Variants in ACOXL observed in about 807,000 individuals in gnomAD.
ACOXL encodes the protein acyl-CoA oxidase like, also known as acyl-coenzyme A oxidase-like protein.
Under a neutral mutation model 71.9 loss-of-function variants are expected in ACOXL, and 70 were observed. The observed-to-expected ratio is 0.97, with a 90% CI of 0.80 to 1.19. ACOXL has a LOEUF of 1.19. ACOXL is among the 50% of genes most tolerant of loss of function. ACOXL has a pLI of 0.00. For synonymous variants in ACOXL, 253 were observed against 281.6 expected, an observed-to-expected ratio of 0.90 and a Z score of 1.02; for missense variants, 703 against 736.3, an observed-to-expected ratio of 0.95 and a Z score of 0.52.
In ACOXL at chr2:111,060,641, T is replaced by C. The variant is rs901253157; in HGVS notation, c.1440+11353T>C. Among the ~76,000 whole-genome samples, 5 of 152,154 alleles carry C rather than the reference T, an allele frequency of 3.3e-5. No homozygotes were observed. The East Asian group carries it at 7.7e-4, about 23-fold the overall frequency. ...TCACAATACCAAGAACCAGAAAATA[T>C]CAAACTGAATGAAAAAAGCCATCGG... is the stretch of plus-strand genomic sequence containing the variant. On this transcript the variant is annotated intron_variant, in intron 16 of 17. Transcript: ENST00000439055.
Position 110,933,545 on chromosome 2 carries a change from G to A in ACOXL, c.962G>A (p.Ser321Asn), listed in dbSNP as rs373228229. The A allele has an allele frequency of 6.4e-5, 103 of 1,614,102 alleles. No homozygotes were observed. The highest frequency in any genetic ancestry group is 8.6e-5 in the Non-Finnish European group (101 of 1,180,038). ...TTCCAGGGAAAGGAGCTGGTCAACA[G>A]TCGCTCGCTGCAGGCTCTGGTGGCG... is the stretch of plus-strand genomic sequence containing the variant. ...DVFQGKELVN[S>N]RSLQALVAGL... The change falls in exon 12 of 18, where the codon AGT (serine) becomes AAT (asparagine). Residue 321 changes from serine to asparagine, a missense_variant. Ser to Asn is a conservative substitution (Grantham distance 46). Coordinates refer to ENST00000439055, the MANE Select transcript of ACOXL (RefSeq NM_001142807.4).
chr2:110,875,614 C>T (rs1255853208), intron 10 of ACOXL, among the ~76,000 whole-genome samples: 1 of 152,074 alleles, frequency 6.6e-6, no homozygotes. Context: ...CCTCTGGGAG[C>T]CCCTTGCTGC....
chr2:111,011,381 A>T (rs1314238318), intron 14 of ACOXL, among the ~76,000 whole-genome samples: 2 of 152,220 alleles, frequency 1.3e-5, no homozygotes, highest in African/African-American at 4.8e-5. Context: ...TGACAGACTT[A>T]TACCCAACAA....
chr2:110,820,987 CAT>C (rs1366280079), intron 9 of ACOXL, among the ~76,000 whole-genome samples: 1 of 152,192 alleles, frequency 6.6e-6, no homozygotes, highest in Non-Finnish European at 1.5e-5. Flanking sequence ...CAGTGAATAA[CAT>C]GTATGATTCA....
intron 9 of ACOXL, among the ~76,000 whole-genome samples, chr2:110,826,945 G>A (rs907560375): frequency 1.3e-5 from 2 of 152,008 alleles, no homozygotes; most frequent in Admixed American, 6.5e-5. Flanking sequence ...AGATGGGCTC[G>A]CTCTCCATGG....
chr2:110,868,466 T>A (rs1189402389), intron 10 of ACOXL, among the ~76,000 whole-genome samples: 1 of 152,226 alleles, frequency 6.6e-6, no homozygotes, highest in Non-Finnish European at 1.5e-5. Flanking sequence ...GGAACGCTCT[T>A]CTCTATCGAC....
At chr2:110,840,528 G>T (rs1300883211) in intron 9 of ACOXL, among the ~76,000 whole-genome samples, 3 of 152,186 alleles carry the variant, frequency 2.0e-5, no homozygotes, top group African/African-American at 7.2e-5. Context: ...CCATTTTACA[G>T]TTGGGAAAAT....
At chr2:111,093,429 G>A in intron 17 of ACOXL, 2 of 1,612,150 alleles carry the variant, frequency 1.2e-6, no homozygotes, top group African/African-American at 2.7e-5. Context: ...CAAAGAAAAA[G>A]AATGTGAAAC....
At chr2:111,018,976 A>AGCT (rs1232444129) in intron 14 of ACOXL, among the ~76,000 whole-genome samples, 1 of 152,218 alleles carries the variant, frequency 6.6e-6, no homozygotes, top group Non-Finnish European at 1.5e-5. Context: ...TCATGGGCCC[A>AGCT]GCACCAGCTG....
intron 11 of ACOXL, among the ~76,000 whole-genome samples, chr2:110,933,029 T>G (rs1013945867): frequency 2.6e-5 from 4 of 152,150 alleles, no homozygotes; most frequent in Non-Finnish European, 1.5e-5. Context: ...AGGTATAAAT[T>G]TTTTTGTTAT....
chr2:111,048,325 G>A (rs1453799109), intron 15 of ACOXL, among the ~76,000 whole-genome samples: 2 of 152,232 alleles, frequency 1.3e-5, no homozygotes, highest in Admixed American at 6.5e-5. Flanking sequence ...GTCATAGAGG[G>A]TAAAGAGTGA....
Position 110,987,109 on chromosome 2 carries a change from T to C in ACOXL, c.1061T>C (p.Val354Ala), listed in dbSNP as rs2062966795. 6.4e-7 allele frequency: 1 copy of C among 1,564,576 alleles called. No individual in the cohort carries two copies. Among genetic ancestry groups the C allele is most frequent in the Non-Finnish European group, 8.7e-7 (1 of 1,152,026 alleles). The change falls in exon 13 of 18, where the codon GTT becomes GCT. Residue 354 changes from valine (V) to alanine (A), a missense_variant and splice_region_variant. By Grantham distance (64) the Val-to-Ala change is moderately conservative. Coordinates refer to ENST00000439055, the MANE Select transcript of ACOXL (RefSeq NM_001142807.4). ...ATGAGCGATAAACTCTTTGCACAGGTTGTGGGGCGGGAACTGCTGGCCCAA... is the reference window on the plus strand; with the variant it reads ...ATGAGCGATAAACTCTTTGCACAGGCTGTGGGGCGGGAACTGCTGGCCCAA... Reference protein sequence around the residue: ...QDCRECTGGMVVGRELLAQYT... With the variant: ...QDCRECTGGMAVGRELLAQYT...
At chr2:111,086,730 C>T (rs544503812) in intron 16 of ACOXL, among the ~76,000 whole-genome samples, 29 of 152,230 alleles carry the variant, frequency 1.9e-4, no homozygotes, top group African/African-American at 7.0e-4. Flanking sequence ...TGGAAGCATT[C>T]CCCTTGAAAA....
At position 111,092,850 on chromosome 2, in the gene ACOXL, T is replaced by TC. The variant is rs1170500548; in HGVS notation, c.1441-10dup. On this transcript the variant is annotated splice_polypyrimidine_tract_variant and intron_variant, in intron 16 of 17. Coordinates refer to ENST00000439055, the MANE Select transcript of ACOXL (RefSeq NM_001142807.4). ...TGCTATTTGTCCATTTCTTTTGTTTTCCCCCACCCCTTAGTTTTGTCTGTT... is the reference window on the plus strand; with the variant it reads ...TGCTATTTGTCCATTTCTTTTGTTTTCCCCCCACCCCTTAGTTTTGTCTGTT... The TC allele has an allele frequency of 1.3e-6, 2 of 1,596,074 alleles. No homozygotes were observed.
Position 111,049,221 on chromosome 2 carries a change from C to T in ACOXL, c.1373C>T (p.Thr458Ile). The change falls in exon 16 of 18, where the codon ACC becomes ATC. Residue 458 changes from threonine to isoleucine, a missense_variant. Coordinates refer to ENST00000439055, the MANE Select transcript of ACOXL (RefSeq NM_001142807.4). The stretch of plus-strand genomic sequence containing the variant: ...ATTTCCATTTCTTCCCTTCCAGTTA[C>T]CTTAGAGCAGTTCTCCCTAGCAGTG... ...SLSLAHTHRV[T>I]LEQFSLAVKS... 6.2e-7 allele frequency: 1 copy of T among 1,610,202 alleles called. No individual in the cohort carries two copies. The highest frequency in any genetic ancestry group is 8.5e-7 in the Non-Finnish European group (1 of 1,176,450).
At chr2:111,030,239 G>T (rs1232603924) in intron 14 of ACOXL, among the ~76,000 whole-genome samples, 1 of 152,130 alleles carries the variant, frequency 6.6e-6, no homozygotes. Flanking sequence ...TCTCCTTCCA[G>T]AACTTCCAGA....
intron 12 of ACOXL, among the ~76,000 whole-genome samples, chr2:110,949,097 T>G (rs953766768): frequency 6.6e-6 from 1 of 152,148 alleles, no homozygotes; most frequent in Non-Finnish European, 1.5e-5. Context: ...AATAGCTGAG[T>G]CCAGCTGGCT....
chr2:110,918,037 C>T (rs2059929184), intron 11 of ACOXL, among the ~76,000 whole-genome samples: 1 of 152,150 alleles, frequency 6.6e-6, no homozygotes, highest in African/African-American at 2.4e-5. Flanking sequence ...TGACTTTCTT[C>T]ACAGAATTAG....
chr2:110,839,971 G>GGTTTGTTGTTGTT (rs150420875), intron 9 of ACOXL, among the ~76,000 whole-genome samples: 40 of 149,748 alleles, frequency 2.7e-4, no homozygotes, highest in African/African-American at 1.7e-4. Flanking sequence ...ATGATGCTTA[G>GGTTTGTTGTTGTT]GTTTGTTGTT....
Sources: gnomAD v4.1 joint callset for allele counts (sites outside exome capture counted in the v4.1 genomes callset) on GRCh38, gnomAD v4.1.1 for gene constraint, MANE v1.5 for transcripts, NCBI Gene and HGNC (gene_info 2026-07-23, HGNC 2026-07-21) for gene names.